OTUD7A: variants seen among roughly 807,000 people sequenced by gnomAD.
OTUD7A encodes OTU domain-containing protein 7A.
Under a neutral mutation model 65.7 loss-of-function variants are expected in OTUD7A, and 12 were observed. That is an observed-to-expected ratio of 0.18 (90% CI 0.12 to 0.30). The LOEUF (loss-of-function observed/expected upper bound fraction) is 0.30, where lower values mean the gene tolerates loss of function less well. OTUD7A is among the 10% of genes least tolerant of loss of function. OTUD7A has a pLI of 1.00. For missense variants in OTUD7A, 1,148 were observed against 1,304.8 expected (o/e 0.88, Z 1.85); for synonymous variants, 641 against 586.3 (o/e 1.09, Z -1.35).
At chr15:31,767,874 T>TA (rs1177420525) in intron 1 of OTUD7A, 5 of 1,299,202 alleles carry the variant, frequency 3.8e-6, no homozygotes. Flanking sequence ...GGTAGAGTTT[T>TA]AAGTGGCAAC....
chr15:31,853,823 T>C (rs1897492071), intron 1 of OTUD7A, among the ~76,000 whole-genome samples: 1 of 152,176 alleles, frequency 6.6e-6, no homozygotes, highest in Non-Finnish European at 1.5e-5. Flanking sequence ...ACCCTCATCC[T>C]TCTTCTTCAA....
chr15:31,735,295 G>A (rs770466900), intron 1 of OTUD7A, among the ~76,000 whole-genome samples: 3 of 152,124 alleles, frequency 2.0e-5, no homozygotes, highest in Admixed American at 6.5e-5. Flanking sequence ...AGGCCAAGGC[G>A]GGGGTGGATC....
chr15:31,761,228 T>A (rs1595751741), intron 1 of OTUD7A, among the ~76,000 whole-genome samples: 2 of 152,122 alleles, frequency 1.3e-5, no homozygotes, highest in South Asian at 4.1e-4. Context: ...CAAAGAACAC[T>A]ATCAAGAATA....
chr15:31,606,996 G>C (rs1890257348), intron 3 of OTUD7A, among the ~76,000 whole-genome samples: 1 of 152,112 alleles, frequency 6.6e-6, no homozygotes. Context: ...TGGTGGAGTA[G>C]GTTGTTTTAC....
intron 1 of OTUD7A, among the ~76,000 whole-genome samples, chr15:31,800,705 A>C (rs1896098249): frequency 6.6e-6 from 1 of 152,204 alleles, no homozygotes; most frequent in South Asian, 2.1e-4. Context: ...CAGAATGAGC[A>C]GAAGGAGACG....
chr15:31,840,492 CT>C (rs779954165), intron 1 of OTUD7A, among the ~76,000 whole-genome samples: 11 of 152,112 alleles, frequency 7.2e-5, no homozygotes, highest in Non-Finnish European at 1.0e-4. Flanking sequence ...TTAAAGCTCA[CT>C]CTCTAAATGA....
intron 1 of OTUD7A, among the ~76,000 whole-genome samples, chr15:31,693,163 T>TA (rs1892995834): frequency 6.6e-6 from 1 of 152,238 alleles, no homozygotes; most frequent in East Asian, 1.9e-4. Flanking sequence ...AATAAAAACT[T>TA]ACAGCATGTC....
chr15:31,636,920 G>A (rs1424303294), intron 3 of OTUD7A, among the ~76,000 whole-genome samples: 1 of 152,182 alleles, frequency 6.6e-6, no homozygotes, highest in Non-Finnish European at 1.5e-5. Context: ...AGAAAAGTTA[G>A]AAGCTAGCAG....
intron 5 of OTUD7A, among the ~76,000 whole-genome samples, chr15:31,545,188 C>A (rs1169408165): frequency 6.6e-6 from 1 of 151,994 alleles, no homozygotes; most frequent in Non-Finnish European, 1.5e-5. Flanking sequence ...GGTTACACTG[C>A]AGCATAATAA....
chr15:31,736,829 T>G (rs111984623), intron 1 of OTUD7A, among the ~76,000 whole-genome samples: 28,372 of 147,988 alleles, frequency 0.19, 3,273 homozygotes, highest in Middle Eastern at 0.35. Context: ...TTCTTTTTTT[T>G]GGGGGGGCGG....
intron 1 of OTUD7A, among the ~76,000 whole-genome samples, chr15:31,675,723 C>T (rs915042047): frequency 6.6e-6 from 1 of 152,184 alleles, no homozygotes; most frequent in Non-Finnish European, 1.5e-5. Flanking sequence ...TCCTACATGT[C>T]AACATTAGCC....
At chr15:31,860,677 G>GTGTGTGTATATATATATATATA (rs560896384) in intron 1 of OTUD7A, among the ~76,000 whole-genome samples, 4 of 73,284 alleles carry the variant, frequency 5.5e-5, no homozygotes, top group African/African-American at 9.3e-5. Flanking sequence ...ATGTATGTGT[G>GTGTGTGTATATATATATATATA]TATATATATA....
In OTUD7A at chr15:31,526,347, AC is replaced by A. The variant is rs1428047310; in HGVS notation, c.893+1del. The A allele has an allele frequency of 6.3e-6, 10 of 1,583,000 alleles. No homozygotes were observed. Among genetic ancestry groups the A allele is most frequent in the East Asian group, 2.3e-5 (1 of 44,110 alleles). ...TCTGGGGAGAGCAGGGGCAGCACTT[AC>A]CCCCCGCCCGTGCCGCCATTCTTGC... is the stretch of plus-strand genomic sequence containing the variant. On this transcript the variant is annotated splice_donor_variant, in intron 8 of 12. Coordinates refer to ENST00000307050, the MANE Select transcript of OTUD7A (RefSeq NM_001382637.1). LOFTEE classifies it high-confidence loss of function.
At chr15:31,736,835 G>A (rs919963709) in intron 1 of OTUD7A, among the ~76,000 whole-genome samples, 1 of 151,484 alleles carries the variant, frequency 6.6e-6, no homozygotes, top group Non-Finnish European at 1.5e-5. Context: ...TTTTTGGGGG[G>A]GCGGGGGGAC....
rs538657553 is a variant in OTUD7A, at chr15:31,526,470, G to T, written c.781-9C>A. On this transcript the variant is annotated splice_polypyrimidine_tract_variant and intron_variant, in intron 7 of 12. Transcript: ENST00000307050. ...GTGTACACCAGCCCTGACTGGCAGAGGGGAGCCGGCTCAGAAGGGGGGTGG... is the reference window on the plus strand; with the variant it reads ...GTGTACACCAGCCCTGACTGGCAGATGGGAGCCGGCTCAGAAGGGGGGTGG... 2 of 1,570,298 alleles carry T rather than the reference G, an allele frequency of 1.3e-6. No homozygotes were observed. Among genetic ancestry groups the T allele is most frequent in the East Asian group, 2.3e-5 (1 of 43,420 alleles).
intron 1 of OTUD7A, chr15:31,767,262 T>C (rs1008983249): frequency 5.8e-5 from 51 of 878,036 alleles, no homozygotes; most frequent in Non-Finnish European, 9.5e-5. Flanking sequence ...AACTGTTATG[T>C]AGCCACAAAC....
intron 1 of OTUD7A, among the ~76,000 whole-genome samples, chr15:31,815,975 C>T (rs1317930348): frequency 6.6e-6 from 1 of 152,210 alleles, no homozygotes; most frequent in African/African-American, 2.4e-5. Flanking sequence ...CATGCTCCTC[C>T]CTCAGCCAAC....
chr15:31,785,067 T>A (rs1222579892), intron 1 of OTUD7A, among the ~76,000 whole-genome samples: 2 of 152,226 alleles, frequency 1.3e-5, no homozygotes, highest in African/African-American at 4.8e-5. Context: ...AAGTACATAC[T>A]GATGCATCTA....
At chr15:31,766,385 G>A (rs542498147) in intron 1 of OTUD7A, 155 of 1,585,992 alleles carry the variant, frequency 9.8e-5, no homozygotes, top group Non-Finnish European at 1.3e-4. Context: ...GTAGAGCATC[G>A]ATGGCAACCC....
Sources: gnomAD v4.1 joint callset for allele counts (sites outside exome capture counted in the v4.1 genomes callset) on GRCh38, gnomAD v4.1.1 for gene constraint, MANE v1.5 for transcripts, NCBI Gene and HGNC (gene_info 2026-07-23, HGNC 2026-07-21) for gene names.